DNM3: variants seen among roughly 807,000 people sequenced by gnomAD.
DNM3 encodes dynamin-3.
In DNM3, 47 loss-of-function variants were observed where a neutral mutation model predicts 101.6. That is an observed-to-expected ratio of 0.46 (90% confidence interval 0.37 to 0.59). The LOEUF (loss-of-function observed/expected upper bound fraction) is 0.59. Among genes scored for constraint, DNM3 ranks in the 20% least tolerant of loss-of-function variants. The probability of loss-of-function intolerance (pLI) is 0.00; values close to 1 mark genes in which losing one functional copy is unlikely to be tolerated. For synonymous variants in DNM3, 385 were observed against 387.9 expected, an observed-to-expected ratio of 0.99 and a Z score of 0.09; for missense variants, 849 against 1,085.7, an observed-to-expected ratio of 0.78 and a Z score of 3.06.
chr1:172,107,364 T>C (rs1269534188), intron 13 of DNM3, among the ~76,000 whole-genome samples: 2 of 151,638 alleles, frequency 1.3e-5, no homozygotes, highest in East Asian at 1.9e-4. Flanking sequence ...AAGAAGATGG[T>C]GAAACTCAAT....
At chr1:172,062,941 A>C (rs2051358927) in intron 10 of DNM3, among the ~76,000 whole-genome samples, 1 of 152,170 alleles carries the variant, frequency 6.6e-6, no homozygotes, top group African/African-American at 2.4e-5. Flanking sequence ...AAAACAAAGG[A>C]TTGCTAGGGA....
chr1:171,884,434 G>A (rs527931257), intron 1 of DNM3, among the ~76,000 whole-genome samples: 5 of 152,216 alleles, frequency 3.3e-5, no homozygotes, highest in South Asian at 2.1e-4. Flanking sequence ...TACAGCCTTC[G>A]CACTGTCTTA....
intron 15 of DNM3, among the ~76,000 whole-genome samples, chr1:172,270,206 A>G (rs1233304629): frequency 6.6e-6 from 1 of 151,594 alleles, no homozygotes; most frequent in Non-Finnish European, 1.5e-5. Context: ...GTTACCATAT[A>G]CTATCCTGAC....
intron 11 of DNM3, among the ~76,000 whole-genome samples, chr1:172,080,760 C>A (rs1438442215): frequency 6.6e-6 from 1 of 152,186 alleles, no homozygotes; most frequent in East Asian, 1.9e-4. Context: ...GTGGTGTAGG[C>A]ACCCAAGGGA....
chr1:171,972,317 A>G (rs2044052786), intron 2 of DNM3, among the ~76,000 whole-genome samples: 2 of 152,208 alleles, frequency 1.3e-5, no homozygotes, highest in South Asian at 4.1e-4. Flanking sequence ...GCTTTGGTAG[A>G]AAATCTTTAA....
intron 14 of DNM3, chr1:172,138,134 A>T (rs1293645473): frequency 6.6e-6 from 1 of 152,148 alleles, no homozygotes; most frequent in African/African-American, 2.4e-5. Context: ...GCGTGGAAGT[A>T]TCAAAAATTT....
chr1:172,335,767 A>G (rs1331491808), intron 17 of DNM3, among the ~76,000 whole-genome samples: 1 of 152,142 alleles, frequency 6.6e-6, no homozygotes, highest in African/African-American at 2.4e-5. Flanking sequence ...ACAGAAGACA[A>G]CAGTAGACAC....
At position 171,960,242 on chromosome 1, in the gene DNM3, A is replaced by G. The variant is rs1043829743; in HGVS notation, c.236-27414A>G. Reference sequence around the variant, plus strand: ...TGACAACCACCTGAGGCTAAGAATGACATGGAACAGATGCTTCCCTAGAGC... The same window carrying G: ...TGACAACCACCTGAGGCTAAGAATGGCATGGAACAGATGCTTCCCTAGAGC... On this transcript the variant is annotated intron_variant, in intron 2 of 20. Coordinates refer to ENST00000627582, the MANE Select transcript of DNM3 (RefSeq NM_015569.5). Among the ~76,000 whole-genome samples, 3 of 152,076 alleles carry G rather than the reference A, an allele frequency of 2.0e-5. No individual in the cohort carries two copies. The South Asian group carries it at 6.2e-4, about 32-fold the overall frequency.
intron 17 of DNM3, among the ~76,000 whole-genome samples, chr1:172,328,753 A>G (rs1482306560): frequency 6.6e-6 from 1 of 152,162 alleles, no homozygotes; most frequent in Non-Finnish European, 1.5e-5. Context: ...CAATTAACCT[A>G]TATAACAAAC....
chr1:171,978,846 A>G (rs2044574563), intron 2 of DNM3, among the ~76,000 whole-genome samples: 1 of 152,138 alleles, frequency 6.6e-6, no homozygotes, highest in African/African-American at 2.4e-5. Flanking sequence ...TTGAACAGGT[A>G]TATTTTGAGA....
chr1:171,912,005 G>A (rs2039347540), intron 1 of DNM3, among the ~76,000 whole-genome samples: 1 of 152,086 alleles, frequency 6.6e-6, no homozygotes, highest in Non-Finnish European at 1.5e-5. Context: ...AGGATTTCAT[G>A]TGGTCCAGCC....
Position 172,184,659 on chromosome 1 carries a change from C to G in DNM3, c.1659+53371C>G, listed in dbSNP as rs561402129. Among the ~76,000 whole-genome samples the G allele has an allele frequency of 1.1e-3, 161 of 152,140 alleles. 3 individuals are homozygous for G. The South Asian group carries it at 0.032, about 31-fold the overall frequency. ...TGTCTACTTTAAAAGACAAATACTT[C>G]TGGGATGTGTAAGCCCAGGAATGGG... On this transcript the variant is annotated intron_variant, in intron 14 of 20. Transcript: ENST00000627582.
intron 14 of DNM3, among the ~76,000 whole-genome samples, chr1:172,143,366 A>G (rs944071586): frequency 6.6e-6 from 1 of 152,182 alleles, no homozygotes; most frequent in Non-Finnish European, 1.5e-5. Flanking sequence ...TAAGAAAATT[A>G]GGGATGAGGC....
intron 1 of DNM3, among the ~76,000 whole-genome samples, chr1:171,895,678 A>G (rs2037722047): frequency 6.6e-6 from 1 of 151,968 alleles, no homozygotes; most frequent in South Asian, 2.1e-4. Flanking sequence ...TTTTGTTGCC[A>G]TTGCTTTTGG....
At chr1:172,306,283 T>TGCAAA (rs536137396) in intron 15 of DNM3, among the ~76,000 whole-genome samples, 1,647 of 152,244 alleles carry the variant, frequency 0.011, 33 homozygotes, top group African/African-American at 0.037. Context: ...TCAAAATTGC[T>TGCAAA]GCAAAGAGAA....
intron 14 of DNM3, among the ~76,000 whole-genome samples, chr1:172,147,783 C>T (rs2057969014): frequency 6.6e-6 from 1 of 152,108 alleles, no homozygotes; most frequent in African/African-American, 2.4e-5. Flanking sequence ...AATTAATCAT[C>T]ATTATCCATT....
chr1:172,225,372 T>C (rs1398943117), intron 14 of DNM3, among the ~76,000 whole-genome samples: 1 of 151,866 alleles, frequency 6.6e-6, no homozygotes, highest in Non-Finnish European at 1.5e-5. Flanking sequence ...CTTGACCTCA[T>C]GATCCACCTG....
At chr1:171,841,962 A>T in intron 1 of DNM3, 145 bp downstream of exon 1, 2 of 377,094 alleles carry the variant, frequency 5.3e-6, no homozygotes, top group Non-Finnish European at 3.5e-6. Flanking sequence ...TGGGGGGCAG[A>T]GTGGCGGTGT....
intron 14 of DNM3, among the ~76,000 whole-genome samples, chr1:172,193,046 C>G (rs1409202646): frequency 1.3e-5 from 2 of 151,584 alleles, no homozygotes; most frequent in South Asian, 2.1e-4. Flanking sequence ...CTGTTGTTTC[C>G]TGACTTTTTA....
Sources: allele counts gnomAD v4.1 joint callset (sites outside exome capture counted in the v4.1 genomes callset), GRCh38; gene constraint gnomAD v4.1.1; transcripts MANE v1.5; gene names NCBI Gene and HGNC (gene_info 2026-07-23, HGNC 2026-07-21).